The following ESRRB variants were observed in gnomAD, a reference collection of about 807,000 sequenced individuals.
ESRRB encodes estrogen related receptor beta.
Under a neutral mutation model 46.0 loss-of-function variants are expected in ESRRB, and 16 were observed. The ratio of observed to expected loss-of-function variants is 0.35; its 90% CI spans 0.24 to 0.53. ESRRB has a LOEUF of 0.53. ESRRB is among the 20% of genes least tolerant of loss of function. The pLI is 0.93. For synonymous variants in ESRRB, 246 were observed against 259.6 expected (o/e 0.95, Z 0.50); for missense variants, 488 against 607.4 (o/e 0.80, Z 2.07).
chr14:76,451,401 G>A (rs1394686536), intron 2 of ESRRB, among the ~76,000 whole-genome samples: 1 of 152,162 alleles, frequency 6.6e-6, no homozygotes, highest in African/African-American at 2.4e-5. Context: ...AAAATGAAAT[G>A]AGACATGCAT....
intron 1 of ESRRB, among the ~76,000 whole-genome samples, chr14:76,337,354 GC>G (rs1269204221): frequency 3.3e-5 from 5 of 152,158 alleles, no homozygotes; most frequent in African/African-American, 4.8e-5. Context: ...GTTGCAGGAT[GC>G]AATAGAGGTG....
At chr14:76,407,114 G>A (rs989247576) in intron 1 of ESRRB, among the ~76,000 whole-genome samples, 3 of 152,226 alleles carry the variant, frequency 2.0e-5, no homozygotes, top group African/African-American at 4.8e-5. Context: ...CTGATGTGCC[G>A]TCGGCCCCAG....
Position 76,499,600 on chromosome 14 carries a change from C to A in ESRRB, c.*1142C>A. 1 of 546,754 alleles carries A rather than the reference C, an allele frequency of 1.8e-6. No individual in the cohort carries two copies. 33.9% of individuals were successfully genotyped at this position (546,754 alleles called of 1,614,324 possible). On this transcript the variant is annotated 3_prime_UTR_variant, in exon 7 of 7. Transcript: ENST00000644823. ...TGTACCAGTGCCACAGGAGGGGTGC[C>A]CTCCTACCACACTTGGGCTACCAGA...
chr14:76,335,447 T>C (rs1884114913), intron 1 of ESRRB, among the ~76,000 whole-genome samples: 1 of 152,218 alleles, frequency 6.6e-6, no homozygotes, highest in Non-Finnish European at 1.5e-5. Context: ...TACAATTTAA[T>C]GTACACATGT....
At chr14:76,355,961 C>T (rs1327553338) in intron 1 of ESRRB, among the ~76,000 whole-genome samples, 2 of 152,208 alleles carry the variant, frequency 1.3e-5, no homozygotes, top group Non-Finnish European at 2.9e-5. Context: ...TCCCCCCAAC[C>T]TTGAGGGGCT....
intron 1 of ESRRB, among the ~76,000 whole-genome samples, chr14:76,350,231 A>G (rs1355619396): frequency 6.6e-6 from 1 of 152,166 alleles, no homozygotes; most frequent in Non-Finnish European, 1.5e-5. Context: ...AGGAACCTCT[A>G]CTTCTCACTA....
chr14:76,420,004 A>C (rs1270727065), intron 1 of ESRRB, among the ~76,000 whole-genome samples: 1 of 152,154 alleles, frequency 6.6e-6, no homozygotes, highest in South Asian at 2.1e-4. Context: ...AAGAGGCTAG[A>C]GTTATGGATT....
At position 76,425,788 on chromosome 14, in the gene ESRRB, G is replaced by A. The variant is rs572625344; in HGVS notation, c.51-13553G>A. On this transcript the variant is annotated intron_variant, in intron 1 of 6. Transcript: ENST00000644823. ...CAGTGGTGTGATCTCTGCAACCTCC[G>A]CCTCAGCTCACTGCAACCTCTACCA... Among the ~76,000 whole-genome samples, 8 of 151,978 alleles carry A rather than the reference G, an allele frequency of 5.3e-5. No homozygotes were observed. In the East Asian group the frequency reaches 7.7e-4, roughly 15 times the overall value.
At chr14:76,386,615 C>T (rs1885243141) in intron 1 of ESRRB, among the ~76,000 whole-genome samples, 1 of 151,792 alleles carries the variant, frequency 6.6e-6, no homozygotes, top group Non-Finnish European at 1.5e-5. Context: ...TGCCACCACA[C>T]CTGGGTACTA....
chr14:76,439,272 G>C (rs1368592394), intron 1 of ESRRB, 69 bp from the exon 2 acceptor site: 2 of 1,577,542 alleles, frequency 1.3e-6, no homozygotes, highest in Non-Finnish European at 1.7e-6. Flanking sequence ...CACCCTACCT[G>C]CGGGGCTGGA....
chr14:76,340,091 G>C (rs554345740), intron 1 of ESRRB, among the ~76,000 whole-genome samples: 26 of 152,180 alleles, frequency 1.7e-4, no homozygotes, highest in African/African-American at 6.3e-4. Context: ...GATAACAATT[G>C]GGGGGCAGGG....
chr14:76,465,394 G>C (rs985573834), intron 3 of ESRRB, among the ~76,000 whole-genome samples: 1 of 152,204 alleles, frequency 6.6e-6, no homozygotes, highest in African/African-American at 2.4e-5. Context: ...GCACTTTCTA[G>C]TGGCTTCCCA....
At chr14:76,421,697 C>T (rs73318338) in intron 1 of ESRRB, among the ~76,000 whole-genome samples, 8,445 of 152,250 alleles carry the variant, frequency 0.055, 742 homozygotes, top group African/African-American at 0.19. Context: ...CTGGAGGGCA[C>T]AGGCTAGGTT....
intron 1 of ESRRB, among the ~76,000 whole-genome samples, chr14:76,385,783 G>T (rs1021126209): frequency 6.6e-6 from 1 of 152,142 alleles, no homozygotes; most frequent in Non-Finnish European, 1.5e-5. Flanking sequence ...ATTTGTTGAT[G>T]GGATGGAGTC....
At chr14:76,339,053 C>T (rs1408509821) in intron 1 of ESRRB, among the ~76,000 whole-genome samples, 2 of 152,126 alleles carry the variant, frequency 1.3e-5, no homozygotes, top group African/African-American at 2.4e-5. Flanking sequence ...ATTTTTTGTG[C>T]CCCATCTTCC....
chr14:76,485,626 TGAGA>T (rs151021182), intron 5 of ESRRB, among the ~76,000 whole-genome samples: 2,671 of 143,890 alleles, frequency 0.019, 38 homozygotes, highest in African/African-American at 0.036. Context: ...TCCCTATCCC[TGAGA>T]GAGAGAGAGA....
At chr14:76,339,239 A>G (rs1471547219) in intron 1 of ESRRB, among the ~76,000 whole-genome samples, 1 of 152,164 alleles carries the variant, frequency 6.6e-6, no homozygotes, top group Non-Finnish European at 1.5e-5. Context: ...CATCGACTCC[A>G]CTTGAAATCG....
chr14:76,369,681 T>C (rs1884574859), upstream of ESRRB, among the ~76,000 whole-genome samples: 1 of 152,202 alleles, frequency 6.6e-6, no homozygotes, highest in African/African-American at 2.4e-5. Context: ...CAAAAAATAA[T>C]TGGGTACAAT....
In ESRRB at chr14:76,500,677, GCTGT is replaced by G. The variant is rs764525421; in HGVS notation, c.*2226_*2229del. 1.1e-5 allele frequency: 17 copies of G among 1,613,604 alleles called. No individual in the cohort carries two copies. Among genetic ancestry groups the G allele is most frequent in the African/African-American group, 6.7e-5 (5 of 74,922 alleles). ...AGGGCATCATGCCCAGCTGGCATCT[GCTGT>G]CTGTCTTTTCTAGGGAAAGCATCTC... On this transcript the variant is annotated 3_prime_UTR_variant, in exon 7 of 7. Transcript: ENST00000644823.
Sources: gnomAD v4.1 joint callset for allele counts (sites outside exome capture counted in the v4.1 genomes callset) on GRCh38, gnomAD v4.1.1 for gene constraint, MANE v1.5 for transcripts, NCBI Gene and HGNC (gene_info 2026-07-23, HGNC 2026-07-21) for gene names.